Variants in ADORA2B observed in about 807,000 individuals in gnomAD.
The protein encoded by ADORA2B is adenosine receptor A2b.
In ADORA2B, 18 loss-of-function variants were observed where a neutral mutation model predicts 20.8. That is an observed-to-expected ratio of 0.87 (90% CI 0.60 to 1.29). The LOEUF (loss-of-function observed/expected upper bound fraction) is 1.29. Among genes scored for constraint, ADORA2B ranks in the 50% most tolerant of loss-of-function variants. The pLI, the probability that ADORA2B is intolerant of heterozygous loss-of-function variation, is 0.00. For missense variants in ADORA2B, 441 were observed against 422.7 expected, an observed-to-expected ratio of 1.04 and a Z score of -0.38; for synonymous variants, 179 against 178.3, an observed-to-expected ratio of 1.00 and a Z score of -0.03.
chr17:15,870,944 C>T, the ADORA2B span, among the ~76,000 whole-genome samples: 2 of 152,240 alleles, frequency 1.3e-5, no homozygotes, highest in African/African-American at 4.8e-5. Context: ...GCTCTCCCTG[C>T]TTCTGTGCCG....
chr17:15,867,707 C>T, the ADORA2B span, among the ~76,000 whole-genome samples: 6 of 145,274 alleles, frequency 4.1e-5, no homozygotes, highest in South Asian at 4.4e-4. Flanking sequence ...CCGCCCCGTC[C>T]GGGAGGTGAG....
the ADORA2B span, among the ~76,000 whole-genome samples, chr17:15,872,764 A>C: frequency 6.6e-6 from 1 of 152,242 alleles, no homozygotes; most frequent in Admixed American, 6.5e-5. Context: ...GTAACCTGAG[A>C]CTTGACTGTA....
the ADORA2B span, among the ~76,000 whole-genome samples, chr17:15,859,695 T>C: frequency 3.3e-5 from 5 of 152,150 alleles, no homozygotes; most frequent in African/African-American, 7.2e-5. Context: ...CCTATAGTCC[T>C]AGCTACTCAG....
chr17:15,883,068 AGAG>A, the ADORA2B span, among the ~76,000 whole-genome samples: 4 of 152,256 alleles, frequency 2.6e-5, no homozygotes, highest in African/African-American at 9.6e-5. Flanking sequence ...CATTTGGGAA[AGAG>A]AAGTAATTTC....
the ADORA2B span, among the ~76,000 whole-genome samples, chr17:15,882,272 A>G: frequency 2.6e-5 from 4 of 152,148 alleles, no homozygotes; most frequent in African/African-American, 4.8e-5. Flanking sequence ...GGTGGCTGAG[A>G]GGAGCATCTA....
At chr17:15,877,655 C>G in the ADORA2B span, among the ~76,000 whole-genome samples, 1 of 152,122 alleles carries the variant, frequency 6.6e-6, no homozygotes, top group African/African-American at 2.4e-5. Context: ...TCACTTGTGC[C>G]TCAACTGCTC....
the ADORA2B span, among the ~76,000 whole-genome samples, chr17:15,894,008 A>G: frequency 4.8e-4 from 73 of 152,366 alleles, no homozygotes; most frequent in African/African-American, 1.7e-3. Flanking sequence ...AAAACAGGCT[A>G]TAAGCCAGAT....
chr17:15,887,905 C>T, the ADORA2B span, among the ~76,000 whole-genome samples: 4,702 of 91,900 alleles, frequency 0.051, 840 homozygotes, highest in Middle Eastern at 0.098. Flanking sequence ...GAGCCGAAAT[C>T]GTGCCACTGC....
intron 1 of ADORA2B, among the ~76,000 whole-genome samples, chr17:15,965,438 A>AC (rs1284483900): frequency 6.6e-6 from 1 of 152,162 alleles, no homozygotes; most frequent in Admixed American, 6.5e-5. Flanking sequence ...TGTGGTAGGT[A>AC]CACGGGAGAG....
chr17:15,904,700 G>T, the ADORA2B span, among the ~76,000 whole-genome samples: 31 of 152,146 alleles, frequency 2.0e-4, no homozygotes, highest in African/African-American at 6.3e-4. Flanking sequence ...TTACATTGAG[G>T]TCTGTCATCC....
the ADORA2B span, among the ~76,000 whole-genome samples, chr17:15,875,879 C>G: frequency 2.6e-5 from 4 of 152,248 alleles, no homozygotes; most frequent in Non-Finnish European, 5.9e-5. Context: ...CCACACCCAG[C>G]CTGTTTACTT....
chr17:15,943,723 G>A (rs1354452411), upstream of ADORA2B, among the ~76,000 whole-genome samples: 3 of 152,110 alleles, frequency 2.0e-5, no homozygotes, highest in Admixed American at 6.5e-5. Context: ...CCACAGAACC[G>A]TACAACCATC....
the ADORA2B span, among the ~76,000 whole-genome samples, chr17:15,851,231 T>C: frequency 4.0e-5 from 6 of 150,016 alleles, no homozygotes; most frequent in Admixed American, 2.7e-4. Context: ...GAAAGGGATT[T>C]AATCCAGGGC....
At chr17:15,851,167 A>T in the ADORA2B span, among the ~76,000 whole-genome samples, 1 of 151,254 alleles carries the variant, frequency 6.6e-6, no homozygotes, top group African/African-American at 2.4e-5. Context: ...CTATTTCTGC[A>T]TAAGGGTGGA....
At chr17:15,881,856 G>A in the ADORA2B span, among the ~76,000 whole-genome samples, 1 of 152,218 alleles carries the variant, frequency 6.6e-6, no homozygotes, top group Non-Finnish European at 1.5e-5. Flanking sequence ...CAGAAACACA[G>A]CTGGGAGACC....
At chr17:15,875,458 A>C in the ADORA2B span, among the ~76,000 whole-genome samples, 12 of 152,358 alleles carry the variant, frequency 7.9e-5, no homozygotes, top group Non-Finnish European at 1.8e-4. Context: ...CCTGGAGTTC[A>C]CATTAAGATG....
chr17:15,966,014 C>T (rs1328968637), intron 1 of ADORA2B, among the ~76,000 whole-genome samples: 1 of 152,228 alleles, frequency 6.6e-6, no homozygotes, highest in Non-Finnish European at 1.5e-5. Flanking sequence ...GCTCTAGTGA[C>T]AATGTTTTGT....
At chr17:15,972,254 G>T (rs1054755384) in intron 1 of ADORA2B, among the ~76,000 whole-genome samples, 1 of 152,194 alleles carries the variant, frequency 6.6e-6, no homozygotes, top group African/African-American at 2.4e-5. Context: ...GCCGAGGCTG[G>T]GGGGTTCTGC....
chr17:15,887,951 C>A, the ADORA2B span, among the ~76,000 whole-genome samples: 1 of 22,230 alleles, frequency 4.5e-5, no homozygotes, highest in South Asian at 1.4e-3. Context: ...AAGACTCCAT[C>A]AAAAAAAAAA....
Sources: allele counts gnomAD v4.1 joint callset (sites outside exome capture counted in the v4.1 genomes callset), GRCh38; gene constraint gnomAD v4.1.1; transcripts MANE v1.5; gene names NCBI Gene and HGNC (gene_info 2026-07-23, HGNC 2026-07-21).